The following CCDC171 variants were observed in gnomAD, a reference collection of about 807,000 sequenced individuals.
The protein encoded by CCDC171 is coiled-coil domain containing 171.
A neutral mutation model predicts 168.2 loss-of-function variants in CCDC171; 177 were observed. The observed-to-expected ratio is 1.05, with a 90% CI of 0.93 to 1.19. CCDC171 has a LOEUF of 1.19. CCDC171 is among the 50% of genes most tolerant of loss of function. The pLI is 0.00. For missense variants in CCDC171, 1,991 were observed against 1,539.0 expected, an observed-to-expected ratio of 1.29 and a Z score of -4.91; for synonymous variants, 687 against 540.8, an observed-to-expected ratio of 1.27 and a Z score of -3.75.
At chr9:15,783,869 C>G (rs1422235204) in intron 20 of CCDC171, among the ~76,000 whole-genome samples, 1 of 152,190 alleles carries the variant, frequency 6.6e-6, no homozygotes, top group Non-Finnish European at 1.5e-5. Context: ...TGAACACTCA[C>G]TGAGTGCCAG....
At chr9:16,080,200 A>G in the CCDC171 span, among the ~76,000 whole-genome samples, 1 of 152,112 alleles carries the variant, frequency 6.6e-6, no homozygotes. Flanking sequence ...CATCACTATT[A>G]ATTACCTCAG....
intron 21 of CCDC171, among the ~76,000 whole-genome samples, chr9:15,803,812 G>A (rs1017843948): frequency 2.0e-5 from 3 of 151,968 alleles, no homozygotes; most frequent in Non-Finnish European, 2.9e-5. Context: ...GAATGTCAAC[G>A]ATAGTTTAAT....
intron 9 of CCDC171, among the ~76,000 whole-genome samples, chr9:15,669,402 ATG>A (rs1269725182): frequency 6.6e-6 from 1 of 152,186 alleles, no homozygotes; most frequent in African/African-American, 2.4e-5. Flanking sequence ...CAAGCATACA[ATG>A]TGTGATGATC....
chr9:16,064,434 G>A (rs2133090856), downstream of CCDC171, among the ~76,000 whole-genome samples: 1 of 152,250 alleles, frequency 6.6e-6, no homozygotes, highest in South Asian at 2.1e-4. Context: ...GGGCAGAGGA[G>A]GAAGACGCGA....
At chr9:16,090,041 A>G in the CCDC171 span, among the ~76,000 whole-genome samples, 414 of 152,310 alleles carry the variant, frequency 2.7e-3, 2 homozygotes, top group African/African-American at 9.7e-3. Context: ...AACCAGAAAT[A>G]CCGTTTGACC....
chr9:15,842,031 AAC>A (rs1302028550), intron 21 of CCDC171, among the ~76,000 whole-genome samples: 2 of 151,946 alleles, frequency 1.3e-5, no homozygotes, highest in African/African-American at 4.8e-5. Flanking sequence ...TGTTTAAAGG[AAC>A]AGTCAGTCAG....
At chr9:15,800,921 G>A (rs1435189242) in intron 21 of CCDC171, among the ~76,000 whole-genome samples, 1 of 152,058 alleles carries the variant, frequency 6.6e-6, no homozygotes, top group Admixed American at 6.6e-5. Flanking sequence ...TGAATTCACT[G>A]TAGGTGTGTG....
intron 3 of CCDC171, among the ~76,000 whole-genome samples, chr9:16,016,211 T>G (rs1294198640): frequency 6.6e-6 from 1 of 152,086 alleles, no homozygotes; most frequent in African/African-American, 2.4e-5. Flanking sequence ...CGGCAGTATA[T>G]CCTGTCAAAT....
rs1399500737 is a variant in CCDC171, at chr9:15,744,321, G to A, written c.2098G>A (p.Glu700Lys). Residue 700 changes from glutamate (E) to lysine (K), a missense_variant, in exon 17 of 26, where the codon GAG becomes AAG. By Grantham distance (56) the Glu-to-Lys change is moderately conservative. Coordinates refer to ENST00000380701, the MANE Select transcript of CCDC171 (RefSeq NM_173550.4). ...AAACATGGAAAAATTGAACCATATT[G>A]AGAAGTCACATGAACAGTTGGTTCT... ...EKNMEKLNHI[E>K]KSHEQLVLEN... 1 of 1,610,758 alleles carries A rather than the reference G, an allele frequency of 6.2e-7. No individual in the cohort carries two copies. The highest frequency in any genetic ancestry group is 1.1e-5 in the South Asian group (1 of 89,780).
intron 7 of CCDC171, among the ~76,000 whole-genome samples, chr9:15,639,875 C>T (rs983294936): frequency 4.6e-5 from 7 of 152,078 alleles, no homozygotes; most frequent in Admixed American, 1.3e-4. Flanking sequence ...AATTGTAGTT[C>T]AGAGAAGTAA....
intron 4 of CCDC171, among the ~76,000 whole-genome samples, chr9:15,579,379 A>G (rs1432810706): frequency 6.6e-6 from 1 of 152,172 alleles, no homozygotes; most frequent in African/African-American, 2.4e-5. Context: ...ATATGAATCC[A>G]AATCTCTAGC....
Position 15,618,370 on chromosome 9 carries a change from C to T in CCDC171, c.676-4897C>T, listed in dbSNP as rs546783997. Among the ~76,000 whole-genome samples the T allele has an allele frequency of 2.0e-5, 3 of 152,284 alleles. No homozygotes were observed. The East Asian group carries it at 5.8e-4, about 29-fold the overall frequency. ...CAGTAATGGCGGTCGCTGCTTCCCCCACCAAGCTCGATCATCCCAGGTCGA... is the reference window on the plus strand; with the variant it reads ...CAGTAATGGCGGTCGCTGCTTCCCCTACCAAGCTCGATCATCCCAGGTCGA... On this transcript the variant is annotated intron_variant, in intron 6 of 25. Coordinates refer to ENST00000380701, the MANE Select transcript of CCDC171 (RefSeq NM_173550.4).
At chr9:15,879,057 A>G (rs1358419416) in intron 24 of CCDC171, among the ~76,000 whole-genome samples, 1 of 152,152 alleles carries the variant, frequency 6.6e-6, no homozygotes, top group African/African-American at 2.4e-5. Context: ...CTGTACAACA[A>G]ACCATTGTGA....
At chr9:15,642,339 G>A (rs1587677360) in intron 7 of CCDC171, among the ~76,000 whole-genome samples, 2 of 83,716 alleles carry the variant, frequency 2.4e-5, no homozygotes, top group South Asian at 3.9e-4. Flanking sequence ...ACACGTGTGT[G>A]TGTGTATATA....
intron 7 of CCDC171, among the ~76,000 whole-genome samples, chr9:15,644,145 A>G (rs2046853785): frequency 6.6e-6 from 1 of 152,338 alleles, no homozygotes; most frequent in South Asian, 2.1e-4. Context: ...AGCAGCTACC[A>G]AGCTGTTTTC....
chr9:15,763,784 A>C (rs928789900), intron 18 of CCDC171, among the ~76,000 whole-genome samples: 2 of 152,190 alleles, frequency 1.3e-5, no homozygotes, highest in Non-Finnish European at 2.9e-5. Flanking sequence ...TCATTCTATG[A>C]TTATACCAAA....
At chr9:15,898,455 C>G (rs759425119) in intron 24 of CCDC171, among the ~76,000 whole-genome samples, 1 of 152,132 alleles carries the variant, frequency 6.6e-6, no homozygotes, top group Non-Finnish European at 1.5e-5. Context: ...GATAATCTCT[C>G]ATGTTGAGTG....
the CCDC171 span, among the ~76,000 whole-genome samples, chr9:16,084,808 G>A: frequency 6.6e-6 from 1 of 152,166 alleles, no homozygotes; most frequent in African/African-American, 2.4e-5. Flanking sequence ...AAACTGAGGT[G>A]GGAGAATCCA....
Position 15,744,575 on chromosome 9 carries a change from A to G in CCDC171, c.2352A>G (p.Gln784=). ...TGTCAACTGTAGAGGAAAAGAAGCA[A>G]GAGGAAGCCAAGATGAAAAAGAAAA... The part of the protein sequence containing the change: ...QALSTVEEKK[Q]EEAKMKKKTF... Residue 784 remains glutamine, a synonymous_variant, in exon 17 of 26, where the codon CAA becomes CAG. Transcript: ENST00000380701. 6.2e-7 allele frequency: 1 copy of G among 1,614,242 alleles called. No individual in the cohort carries two copies. Among genetic ancestry groups the G allele is most frequent in the Non-Finnish European group, 8.5e-7 (1 of 1,180,026 alleles).
Sources: allele counts gnomAD v4.1 joint callset (sites outside exome capture counted in the v4.1 genomes callset), GRCh38; gene constraint gnomAD v4.1.1; transcripts MANE v1.5; gene names NCBI Gene and HGNC (gene_info 2026-07-23, HGNC 2026-07-21).